Variants in TMTC1 observed in about 807,000 individuals in gnomAD.
The protein encoded by TMTC1 is protein O-mannosyl-transferase TMTC1.
Under a neutral mutation model 104.8 loss-of-function variants are expected in TMTC1, and 73 were observed. The observed-to-expected ratio is 0.70, with a 90% CI of 0.58 to 0.85. TMTC1 has a LOEUF of 0.85. Among genes scored for constraint, TMTC1 ranks in the 40% least tolerant of loss-of-function variants. The probability of loss-of-function intolerance (pLI) is 0.00; values close to 1 mark genes in which losing one functional copy is unlikely to be tolerated. For synonymous variants in TMTC1, 434 were observed against 428.7 expected, an observed-to-expected ratio of 1.01 and a Z score of -0.15; for missense variants, 1,035 against 1,096.1, an observed-to-expected ratio of 0.94 and a Z score of 0.79.
chr12:29,604,150 G>A (rs369275075), intron 7 of TMTC1, 28 bp downstream of exon 7: 9 of 1,611,766 alleles, frequency 5.6e-6, no homozygotes, highest in Middle Eastern at 1.7e-4. Context: ...GGCAGGTCTT[G>A]TAGGAGGAAG....
intron 11 of TMTC1, among the ~76,000 whole-genome samples, chr12:29,522,679 T>C (rs150815908): frequency 6.6e-6 from 1 of 152,178 alleles, no homozygotes; most frequent in African/African-American, 2.4e-5. Flanking sequence ...TATCCATTCA[T>C]TCCACATGCA....
intron 5 of TMTC1, among the ~76,000 whole-genome samples, chr12:29,664,059 C>T (rs1236155520): frequency 1.3e-5 from 2 of 149,918 alleles, no homozygotes; most frequent in Non-Finnish European, 3.0e-5. Flanking sequence ...TAGTGGCGGG[C>T]GCCTGTAGTC....
intron 9 of TMTC1, among the ~76,000 whole-genome samples, chr12:29,563,101 AC>A (rs1565673103): frequency 6.6e-6 from 1 of 152,116 alleles, no homozygotes; most frequent in Non-Finnish European, 1.5e-5. Flanking sequence ...AGGGCAAGTA[AC>A]CCTCTCCATT....
chr12:29,774,031 T>C (rs2120589086), intron 1 of TMTC1, among the ~76,000 whole-genome samples: 1 of 152,168 alleles, frequency 6.6e-6, no homozygotes, highest in Middle Eastern at 3.4e-3. Context: ...CATGAGTGTG[T>C]GTGTGTGTGT....
chr12:29,646,614 CCTTTT>C (rs1939277954), intron 5 of TMTC1, among the ~76,000 whole-genome samples: 1 of 152,180 alleles, frequency 6.6e-6, no homozygotes, highest in Admixed American at 6.5e-5. Flanking sequence ...CTCTTCTCTC[CCTTTT>C]CTTGTGACAA....
chr12:29,543,473 C>A (rs78886105), intron 10 of TMTC1, among the ~76,000 whole-genome samples: 1 of 152,080 alleles, frequency 6.6e-6, no homozygotes, highest in Non-Finnish European at 1.5e-5. Context: ...ATGGATTTGG[C>A]GACCCTCTTG....
chr12:29,775,876 C>T (rs1344036760), intron 1 of TMTC1, among the ~76,000 whole-genome samples: 1 of 152,124 alleles, frequency 6.6e-6, no homozygotes, highest in Non-Finnish European at 1.5e-5. Flanking sequence ...CATGAGTCAA[C>T]TCCTCCTTAG....
chr12:29,680,601 A>G (rs1940882153), intron 5 of TMTC1, among the ~76,000 whole-genome samples: 2 of 152,210 alleles, frequency 1.3e-5, no homozygotes, highest in Admixed American at 1.3e-4. Context: ...TGATTGATAA[A>G]CTGCAACTAA....
intron 5 of TMTC1, among the ~76,000 whole-genome samples, chr12:29,682,312 A>C (rs1303154770): frequency 6.6e-6 from 1 of 152,210 alleles, no homozygotes; most frequent in African/African-American, 2.4e-5. Flanking sequence ...GTCACTCTGG[A>C]ATATAGTTTG....
At chr12:29,509,597 TA>T (rs1174280269) in intron 17 of TMTC1, among the ~76,000 whole-genome samples, 1 of 152,208 alleles carries the variant, frequency 6.6e-6, no homozygotes, top group Non-Finnish European at 1.5e-5. Flanking sequence ...CTCTGCATTC[TA>T]ATAGTGGCAT....
intron 3 of TMTC1, 140 bp downstream of exon 3, chr12:29,758,564 A>T: frequency 1.2e-6 from 1 of 837,072 alleles, no homozygotes; most frequent in Non-Finnish European, 2.0e-6. Flanking sequence ...GGACAAGCAG[A>T]GAGTTTCCTA....
At chr12:29,636,346 T>C (rs185926647) in intron 5 of TMTC1, among the ~76,000 whole-genome samples, 1 of 152,356 alleles carries the variant, frequency 6.6e-6, no homozygotes, top group African/African-American at 2.4e-5. Context: ...GGCTTGACTA[T>C]GGAACATCTG....
At position 29,505,055 on chromosome 12, in the gene TMTC1, T is replaced by C. The variant is rs1943668552; in HGVS notation, c.*1791A>G. 1 of 152,230 alleles carries C rather than the reference T, an allele frequency of 6.6e-6. No individual in the cohort carries two copies. Among genetic ancestry groups the C allele is most frequent in the African/African-American group, 2.4e-5 (1 of 41,462 alleles). 9.4% of individuals were successfully genotyped at this position (152,230 alleles called of 1,614,324 possible). The stretch of plus-strand genomic sequence containing the variant: ...GTTGTAGTGGTAACATATACATTCT[T>C]GGATTACTGTTGCACACAAAGAGAT... On this transcript the variant is annotated 3_prime_UTR_variant, in exon 18 of 18. Coordinates refer to ENST00000539277, the MANE Select transcript of TMTC1 (RefSeq NM_001193451.2).
At chr12:29,527,301 T>C (rs1944375147) in intron 11 of TMTC1, among the ~76,000 whole-genome samples, 1 of 152,208 alleles carries the variant, frequency 6.6e-6, no homozygotes, top group Non-Finnish European at 1.5e-5. Context: ...CAAGTTAAAC[T>C]TAACACCATG....
chr12:29,639,312 A>G (rs1180580656), intron 5 of TMTC1, among the ~76,000 whole-genome samples: 2 of 152,196 alleles, frequency 1.3e-5, no homozygotes, highest in Non-Finnish European at 2.9e-5. Flanking sequence ...TCTCCACAGA[A>G]TTTAAGTAGG....
intron 6 of TMTC1, among the ~76,000 whole-genome samples, chr12:29,628,552 A>G (rs1938127290): frequency 6.6e-6 from 1 of 152,250 alleles, no homozygotes; most frequent in Non-Finnish European, 1.5e-5. Flanking sequence ...CACAGACTTT[A>G]TAAGAAACAT....
At chr12:29,588,526 C>CA (rs1254885865) in intron 7 of TMTC1, among the ~76,000 whole-genome samples, 1 of 152,182 alleles carries the variant, frequency 6.6e-6, no homozygotes, top group East Asian at 1.9e-4. Context: ...ATTTAACAAA[C>CA]ATTTAACTAT....
chr12:29,745,618 C>CAAAAAAAAAAAAAAAAAAAAAAAAAAAA lies in TMTC1; in HGVS notation c.938+6047_938+6048insTTTTTTTTTTTTTTTTTTTTTTTTTTTT, dbSNP rs71444341. Among the ~76,000 whole-genome samples, 2 of 84,574 alleles carry CAAAAAAAAAAAAAAAAAAAAAAAAAAAA rather than the reference C, an allele frequency of 2.4e-5. 1 individual carries two copies. Among genetic ancestry groups the CAAAAAAAAAAAAAAAAAAAAAAAAAAAA allele is most frequent in the African/African-American group, 8.9e-5 (2 of 22,430 alleles). The allele number at this position is 84,574 out of a possible 152,430, so 55.5% of individuals were successfully genotyped here. On this transcript the variant is annotated intron_variant, in intron 5 of 17. Transcript: ENST00000539277. ...CCTGAGCAACAGAGCGAGACTCAAT[C>CAAAAAAAAAAAAAAAAAAAAAAAAAAAA]AAAAAAAAAAAAAAAAAAAAAGAAA...
intron 5 of TMTC1, among the ~76,000 whole-genome samples, chr12:29,680,678 T>C (rs1380631593): frequency 6.6e-6 from 1 of 152,172 alleles, no homozygotes; most frequent in Non-Finnish European, 1.5e-5. Flanking sequence ...CTTCCCTGAA[T>C]GTGTTAATTC....
Sources: gnomAD v4.1 joint callset for allele counts (sites outside exome capture counted in the v4.1 genomes callset) on GRCh38, gnomAD v4.1.1 for gene constraint, MANE v1.5 for transcripts, NCBI Gene and HGNC (gene_info 2026-07-23, HGNC 2026-07-21) for gene names.